Variants in ITIH5 observed in about 807,000 individuals in gnomAD.
The protein encoded by ITIH5 is inter-alpha-trypsin inhibitor heavy chain H5.
A neutral mutation model predicts 77.5 loss-of-function variants in ITIH5; 65 were observed. The observed-to-expected ratio is 0.84, with a 90% CI of 0.69 to 1.03. The LOEUF is 1.03. ITIH5 is among the 50% of genes least tolerant of loss of function. The probability of loss-of-function intolerance (pLI) is 0.00; values close to 1 mark genes in which losing one functional copy is unlikely to be tolerated. For missense variants in ITIH5, 1,208 were observed against 1,213.1 expected, an observed-to-expected ratio of 1.00 and a Z score of 0.06; for synonymous variants, 525 against 494.3, an observed-to-expected ratio of 1.06 and a Z score of -0.82.
intron 13 of ITIH5, among the ~76,000 whole-genome samples, chr10:7,564,524 T>C (rs1333472692): frequency 6.6e-6 from 1 of 152,098 alleles, no homozygotes; most frequent in Non-Finnish European, 1.5e-5. Context: ...TTGCCTGCAG[T>C]AGTCCATGCA....
At chr10:7,664,851 G>GATTTAAGT (rs1834336877) in intron 1 of ITIH5, among the ~76,000 whole-genome samples, 1 of 152,150 alleles carries the variant, frequency 6.6e-6, no homozygotes, top group African/African-American at 2.4e-5. Flanking sequence ...TCTGTTCTAA[G>GATTTAAGT]ATTTAAGTAT....
chr10:7,616,013 C>A lies in ITIH5; in HGVS notation c.908G>T (p.Ser303Ile). ...PKNVVFVLDS[S>I]ASMVGTKLRQ... is the part of the protein sequence containing the mutation. ...GAGTTTGGTTCCCACCATAGAAGCA[C>A]TGCTGTCAAGCACGAATACCACATT... Residue 303 changes from serine (S) to isoleucine (I), a missense_variant, in exon 7 of 14, where the codon AGT (serine) becomes ATT (isoleucine). Ser to Ile is a moderately radical substitution (Grantham distance 142, BLOSUM62 -2). Transcript: ENST00000397146. 6.2e-7 allele frequency: 1 copy of A among 1,612,758 alleles called. No individual in the cohort carries two copies. The highest frequency in any genetic ancestry group is 8.5e-7 in the Non-Finnish European group (1 of 1,178,808).
chr10:7,649,504 G>GGATA (rs1049401520), intron 2 of ITIH5, among the ~76,000 whole-genome samples: 4 of 148,934 alleles, frequency 2.7e-5, no homozygotes, highest in Non-Finnish European at 6.0e-5. Context: ...GTGGATAGAT[G>GGATA]GATAGATAGA....
chr10:7,568,495 T>C (rs957404511), intron 12 of ITIH5, among the ~76,000 whole-genome samples: 1 of 152,216 alleles, frequency 6.6e-6, no homozygotes, highest in Non-Finnish European at 1.5e-5. Context: ...GTTAGGCCCC[T>C]ATCTTGCTCC....
chr10:7,645,656 G>C (rs530595589), intron 2 of ITIH5, among the ~76,000 whole-genome samples: 2 of 152,234 alleles, frequency 1.3e-5, no homozygotes, highest in East Asian at 1.9e-4. Flanking sequence ...TAAAACCTTT[G>C]GGTTTAGGAA....
intron 3 of ITIH5, among the ~76,000 whole-genome samples, chr10:7,641,637 A>AAAGG (rs202189864): frequency 8.3e-6 from 1 of 119,820 alleles, no homozygotes; most frequent in Non-Finnish European, 1.7e-5. Context: ...GAAGGAAAGA[A>AAAGG]AAGGAAGGAA....
intron 1 of ITIH5, 21 bp downstream of exon 1, chr10:7,666,782 G>T: frequency 1.3e-6 from 2 of 1,590,168 alleles, no homozygotes; most frequent in Non-Finnish European, 1.7e-6. Context: ...CCGGGACCCG[G>T]CTCCCCTCGG....
At chr10:7,585,857 T>C in intron 8 of ITIH5, 44 bp downstream of exon 8, 2 of 1,463,922 alleles carry the variant, frequency 1.4e-6, no homozygotes, top group East Asian at 2.4e-5. Context: ...AAAAAAACAT[T>C]ATTTCAAAGC....
chr10:7,595,000 C>T (rs1052641224), intron 7 of ITIH5, among the ~76,000 whole-genome samples: 12 of 152,188 alleles, frequency 7.9e-5, no homozygotes, highest in South Asian at 2.1e-4. Context: ...AGTGAATGGG[C>T]GTCATCTCTG....
chr10:7,663,995 A>T (rs138208233), intron 1 of ITIH5, among the ~76,000 whole-genome samples: 75 of 152,338 alleles, frequency 4.9e-4, no homozygotes, highest in African/African-American at 1.8e-3. Context: ...CTTTAAAGAC[A>T]CCATATAAAT....
In ITIH5 at chr10:7,566,119, T is replaced by G. The variant is rs1363869820; in HGVS notation, c.2438A>C (p.Tyr813Ser). ...SIAFVILIHL[Y>S]KKPAPFQRHH... Reference sequence around the variant, plus strand: ...TCGCTGGAAGGGCGCCGGCTTTTTGTAGAGGTGGATGAGGATGACAAAGGC... The same window carrying G: ...TCGCTGGAAGGGCGCCGGCTTTTTGGAGAGGTGGATGAGGATGACAAAGGC... Residue 813 changes from tyrosine (Y) to serine (S), a missense_variant, in exon 13 of 14, where the codon TAC (tyrosine) becomes TCC (serine). Physicochemically the swap from Tyr to Ser is moderately radical, Grantham distance 144 (BLOSUM62 -2). Coordinates refer to ENST00000397146, the MANE Select transcript of ITIH5 (RefSeq NM_030569.7). The G allele has an allele frequency of 6.2e-7, 1 of 1,613,852 alleles. No homozygotes were observed. Among genetic ancestry groups the G allele is most frequent in the Admixed American group, 1.7e-5 (1 of 59,994 alleles).
intron 2 of ITIH5, among the ~76,000 whole-genome samples, chr10:7,648,489 T>C (rs564441811): frequency 6.6e-6 from 1 of 152,352 alleles, no homozygotes; most frequent in South Asian, 2.1e-4. Context: ...CTTCAAAAAT[T>C]CTTCTTGTCA....
intron 1 of ITIH5, among the ~76,000 whole-genome samples, chr10:7,660,992 G>A (rs1024190860): frequency 2.0e-5 from 3 of 152,218 alleles, no homozygotes; most frequent in East Asian, 1.9e-4. Context: ...AGCAGTGGGC[G>A]AGCCCGCATT....
At chr10:7,565,990 TG>T in intron 13 of ITIH5, 39 bp downstream of exon 13, 1 of 1,581,596 alleles carries the variant, frequency 6.3e-7, no homozygotes, top group South Asian at 1.1e-5. Flanking sequence ...AATGTAACTC[TG>T]CCCTCTATGC....
rs1554746398 is a variant in ITIH5 at position 7,565,314 on chromosome 10, T to TATAC, written c.2527+715_2527+716insGTAT. Among the ~76,000 whole-genome samples the TATAC allele has an allele frequency of 5.0e-3, 753 of 149,170 alleles. 5 individuals carry two copies. The highest frequency in any genetic ancestry group is 8.3e-3 in the Non-Finnish European group (556 of 67,170). On this transcript the variant is annotated intron_variant, in intron 13 of 13. Transcript: ENST00000397146. ...CATACATACAGACTGTATATATATA[T>TATAC]ACACACACACATCACACATACAAAG...
At chr10:7,654,867 G>A (rs575277336) in intron 2 of ITIH5, among the ~76,000 whole-genome samples, 2 of 152,218 alleles carry the variant, frequency 1.3e-5, no homozygotes, top group African/African-American at 4.8e-5. Context: ...GAGAAAACAT[G>A]AAAGAAGGAA....
chr10:7,639,595 G>A (rs12266352), intron 4 of ITIH5, among the ~76,000 whole-genome samples: 40,895 of 148,032 alleles, frequency 0.28, 6,200 homozygotes, highest in African/African-American at 0.42. Flanking sequence ...GAGGAAAACC[G>A]GGTTACCAGG....
intron 12 of ITIH5, 166 bp downstream of exon 12, chr10:7,569,502 G>T: frequency 2.2e-6 from 1 of 458,966 alleles, no homozygotes; most frequent in Non-Finnish European, 3.9e-6. Flanking sequence ...CAGGGAGTCG[G>T]ATGCATAAGT....
At chr10:7,576,070 G>A (rs2054922338) in intron 10 of ITIH5, among the ~76,000 whole-genome samples, 1 of 152,172 alleles carries the variant, frequency 6.6e-6, no homozygotes, top group African/African-American at 2.4e-5. Flanking sequence ...TGTCACCCAG[G>A]TTGGAGAGCA....
Sources: allele counts gnomAD v4.1 joint callset (sites outside exome capture counted in the v4.1 genomes callset), GRCh38; gene constraint gnomAD v4.1.1; transcripts MANE v1.5; gene names NCBI Gene and HGNC (gene_info 2026-07-23, HGNC 2026-07-21).